Variants in ACSS3 observed in about 807,000 individuals in gnomAD.
The protein encoded by ACSS3 is acyl-CoA synthetase short-chain family member 3, mitochondrial.
In ACSS3, 64 loss-of-function variants were observed where a neutral mutation model predicts 84.2. The observed-to-expected ratio is 0.76, with a 90% CI of 0.62 to 0.94. The LOEUF is 0.94. Among genes scored for constraint, ACSS3 ranks in the 40% least tolerant of loss-of-function variants. ACSS3 has a pLI of 0.00. For missense variants in ACSS3, 815 were observed against 867.6 expected, an observed-to-expected ratio of 0.94 and a Z score of 0.76; for synonymous variants, 317 against 310.1, an observed-to-expected ratio of 1.02 and a Z score of -0.23.
intron 9 of ACSS3, among the ~76,000 whole-genome samples, chr12:81,209,655 T>C (rs2032505911): frequency 6.6e-6 from 1 of 152,078 alleles, no homozygotes; most frequent in Admixed American, 6.6e-5. Context: ...AGCAAGTTTA[T>C]TAGGAAAGTA....
At chr12:81,143,710 A>G (rs1464510708) in intron 5 of ACSS3, among the ~76,000 whole-genome samples, 1 of 152,148 alleles carries the variant, frequency 6.6e-6, no homozygotes, top group East Asian at 1.9e-4. Context: ...TTTATTATGA[A>G]TGTGATTTTG....
intron 9 of ACSS3, among the ~76,000 whole-genome samples, chr12:81,204,595 A>T (rs1242158187): frequency 6.6e-6 from 1 of 152,176 alleles, no homozygotes; most frequent in Non-Finnish European, 1.5e-5. Flanking sequence ...TTAATTCATG[A>T]CAGCTACAAA....
At chr12:81,080,083 A>G (rs1421918073) in intron 1 of ACSS3, among the ~76,000 whole-genome samples, 2 of 152,180 alleles carry the variant, frequency 1.3e-5, no homozygotes, top group East Asian at 3.9e-4. Context: ...TTATGTGGCC[A>G]TCTCCATTAT....
intron 1 of ACSS3, among the ~76,000 whole-genome samples, chr12:81,089,863 T>C (rs1466775870): frequency 6.6e-6 from 1 of 152,026 alleles, no homozygotes; most frequent in Non-Finnish European, 1.5e-5. Flanking sequence ...AATGCATTTT[T>C]ATAATACTGT....
In ACSS3 at chr12:81,256,230, GT is replaced by G. The variant is rs1218301542; in HGVS notation, c.*1315del. Reference sequence around the variant, plus strand: ...CAGGTCTCCTGTTGCAAGAGCCTCTGTTTTTTTAAAGAGAAAACAAAGAATC... The same window carrying G: ...CAGGTCTCCTGTTGCAAGAGCCTCTGTTTTTTAAAGAGAAAACAAAGAATC... On this transcript the variant is annotated 3_prime_UTR_variant, in exon 16 of 16. Transcript: ENST00000548058. 1.3e-5 allele frequency: 2 copies of G among 151,970 alleles called. No individual in the cohort carries two copies. The highest frequency in any genetic ancestry group is 2.9e-5 in the Non-Finnish European group (2 of 67,986). 9.4% of individuals were successfully genotyped at this position (151,970 alleles called of 1,614,324 possible).
chr12:81,223,186 A>G (rs2033165389), intron 11 of ACSS3, among the ~76,000 whole-genome samples: 4 of 151,900 alleles, frequency 2.6e-5, no homozygotes, highest in African/African-American at 4.8e-5. Context: ...TGATGGACAA[A>G]CGTTTTCCTC....
intron 7 of ACSS3, among the ~76,000 whole-genome samples, chr12:81,171,762 T>C (rs2030060796): frequency 6.6e-6 from 1 of 152,158 alleles, no homozygotes; most frequent in Non-Finnish European, 1.5e-5. Context: ...TGGAGATATG[T>C]TCTGAGAAAT....
intron 8 of ACSS3, among the ~76,000 whole-genome samples, chr12:81,196,118 T>C (rs2031817139): frequency 6.6e-6 from 1 of 152,198 alleles, no homozygotes; most frequent in Non-Finnish European, 1.5e-5. Flanking sequence ...TACAGATCCA[T>C]GTCAGAATAA....
At chr12:81,142,756 T>C (rs563572234) in intron 4 of ACSS3, among the ~76,000 whole-genome samples, 1 of 152,328 alleles carries the variant, frequency 6.6e-6, no homozygotes, top group East Asian at 1.9e-4. Context: ...AAAATTAGTT[T>C]ATAAAGTTAT....
chr12:81,259,812 G>A lies in ACSS3; in HGVS notation c.*4890G>A, dbSNP rs193207296. ...ATCATCTAGGATGTAGCCAACAGCC[G>A]TATGTAATTAACATTTGCTTTTCTC... On this transcript the variant is annotated 3_prime_UTR_variant, in exon 16 of 16. Coordinates refer to ENST00000548058, the MANE Select transcript of ACSS3 (RefSeq NM_024560.4). 1,415 of 519,056 alleles carry A rather than the reference G, an allele frequency of 2.7e-3. 4 individuals carry two copies. The highest frequency in any genetic ancestry group is 3.7e-3 in the Non-Finnish European group (1,134 of 306,354). 32.2% of individuals were successfully genotyped at this position (519,056 alleles called of 1,614,324 possible).
At chr12:81,112,359 C>G (rs989019365) in intron 2 of ACSS3, among the ~76,000 whole-genome samples, 1 of 152,142 alleles carries the variant, frequency 6.6e-6, no homozygotes, top group African/African-American at 2.4e-5. Context: ...TTAGAGAAAC[C>G]TAAAATAAGA....
intron 7 of ACSS3, among the ~76,000 whole-genome samples, chr12:81,164,455 A>G (rs555811736): frequency 1.1e-4 from 17 of 152,364 alleles, no homozygotes; most frequent in Non-Finnish European, 1.9e-4. Context: ...ACATGTGTAA[A>G]TAAGAGTAAT....
rs1375762450 is a variant in ACSS3 at position 81,248,247 on chromosome 12, A to C, written c.1720-5060A>C. On this transcript the variant is annotated intron_variant, in intron 13 of 15. Coordinates refer to ENST00000548058, the MANE Select transcript of ACSS3 (RefSeq NM_024560.4). ...ATAAATTAGTATGTCAAAGGGCTAC[A>C]TTTACCCCCATGTTTGTTGCAGCAG... Among the ~76,000 whole-genome samples the C allele has an allele frequency of 2.0e-5, 3 of 152,188 alleles. No homozygotes were observed. In the East Asian group the frequency reaches 5.8e-4, roughly 29 times the overall value.
chr12:81,208,966 C>G (rs1398691392), intron 9 of ACSS3, among the ~76,000 whole-genome samples: 1 of 152,138 alleles, frequency 6.6e-6, no homozygotes, highest in Non-Finnish European at 1.5e-5. Flanking sequence ...TATTGAATGA[C>G]TGTCCTTTGA....
intron 1 of ACSS3, among the ~76,000 whole-genome samples, chr12:81,092,640 G>A (rs1408516306): frequency 6.6e-6 from 1 of 152,040 alleles, no homozygotes; most frequent in African/African-American, 2.4e-5. Context: ...AAAACAAGCA[G>A]GAAGGCAAGG....
chr12:81,131,356 T>G (rs987152114), intron 2 of ACSS3, among the ~76,000 whole-genome samples: 13 of 152,218 alleles, frequency 8.5e-5, no homozygotes, highest in Non-Finnish European at 1.9e-4. Context: ...CCTTGTAAGT[T>G]GGATTCCTAG....
chr12:81,249,772 G>C (rs1194573177), intron 13 of ACSS3, among the ~76,000 whole-genome samples: 1 of 151,964 alleles, frequency 6.6e-6, no homozygotes, highest in East Asian at 1.9e-4. Flanking sequence ...TTAAAAATCT[G>C]TCTTCTTCGA....
At chr12:81,078,484 C>T (rs142563750) in intron 1 of ACSS3, 53 bp downstream of exon 1, 933 of 1,590,832 alleles carry the variant, frequency 5.9e-4, no homozygotes, top group Non-Finnish European at 7.7e-4. Context: ...ACTTTTTGGG[C>T]GCCAGGACCT....
intron 1 of ACSS3, among the ~76,000 whole-genome samples, chr12:81,098,164 G>A (rs1445897516): frequency 1.3e-5 from 2 of 149,344 alleles, no homozygotes; most frequent in African/African-American, 5.0e-5. Flanking sequence ...GTGTGTGTGT[G>A]TGTGTGTGTG....
Sources: gnomAD v4.1 joint callset for allele counts (sites outside exome capture counted in the v4.1 genomes callset) on GRCh38, gnomAD v4.1.1 for gene constraint, MANE v1.5 for transcripts, NCBI Gene and HGNC (gene_info 2026-07-23, HGNC 2026-07-21) for gene names.